The following STAB2 variants were observed in gnomAD, a reference collection of about 807,000 sequenced individuals.
STAB2 encodes the protein stabilin 2, also known as stabilin-2.
In STAB2, 288 loss-of-function variants were observed where a neutral mutation model predicts 338.1. The observed-to-expected ratio is 0.85, with a 90% CI of 0.77 to 0.94. STAB2 has a LOEUF of 0.94. Among genes scored for constraint, STAB2 ranks in the 40% least tolerant of loss-of-function variants. The probability of loss-of-function intolerance (pLI) is 0.00; values close to 1 mark genes in which losing one functional copy is unlikely to be tolerated. For missense variants in STAB2, 3,141 were observed against 3,210.1 expected, an observed-to-expected ratio of 0.98 and a Z score of 0.52; for synonymous variants, 1,202 against 1,193.3, an observed-to-expected ratio of 1.01 and a Z score of -0.15.
intron 8 of STAB2, 36 bp downstream of exon 8, chr12:103,638,248 A>C (rs1205588595): frequency 1.3e-6 from 2 of 1,552,954 alleles, no homozygotes; most frequent in Non-Finnish European, 1.7e-6. Flanking sequence ...TGTATCTAGA[A>C]GTTTGACAAG....
In STAB2 at chr12:103,655,536, G is replaced by T. The variant is rs1157193235; in HGVS notation, c.1689G>T (p.Leu563Phe). The change falls in exon 15 of 69, where the codon TTG (leucine) becomes TTT (phenylalanine). Residue 563 changes from leucine (L) to phenylalanine (F), a missense_variant. Physicochemically the swap from Leu to Phe is conservative, Grantham distance 22. Transcript: ENST00000388887. ...YTIFVPNNEA[L>F]NNMKDGTLDY... ...TTTTTGTTCCAAATAATGAAGCATT[G>T]AATAACATGAAGGACGGCACTCTCG... 6.2e-7 allele frequency: 1 copy of T among 1,613,912 alleles called. No homozygotes were observed.
intron 9 of STAB2, 22 bp from the exon 10 acceptor site, chr12:103,648,668 T>C: frequency 1.9e-6 from 3 of 1,610,878 alleles, no homozygotes; most frequent in African/African-American, 1.3e-5. Context: ...ACCCTGAGGA[T>C]GTCTTTTCCC....
chr12:103,599,961 C>T (rs937800869), intron 3 of STAB2, among the ~76,000 whole-genome samples: 2 of 152,220 alleles, frequency 1.3e-5, no homozygotes, highest in African/African-American at 4.8e-5. Flanking sequence ...GACTCAAATT[C>T]TTAAGTTAGG....
At position 103,739,606 on chromosome 12, in the gene STAB2, T is replaced by C. The variant is rs1882426608; in HGVS notation, c.5754+138T>C. The stretch of plus-strand genomic sequence containing the variant: ...ACGTATGTTGCATAAATGTAATTTA[T>C]GTCATTCTTTCAACAACAAAGCCAA... On this transcript the variant is annotated intron_variant, in intron 54 of 68. Coordinates refer to ENST00000388887, the MANE Select transcript of STAB2 (RefSeq NM_017564.10). 4.2e-6 allele frequency: 3 copies of C among 711,140 alleles called. No individual in the cohort carries two copies. In the East Asian group the frequency reaches 9.9e-5, roughly 24 times the overall value. 44.1% of individuals were successfully genotyped at this position (711,140 alleles called of 1,614,324 possible). A position where few individuals can be genotyped will look rare whatever the true frequency, so the allele number is the denominator to read the frequency against.
intron 3 of STAB2, among the ~76,000 whole-genome samples, chr12:103,606,473 A>G (rs1368588311): frequency 4.6e-5 from 7 of 152,162 alleles, no homozygotes; most frequent in Admixed American, 6.5e-5. Flanking sequence ...ACAGATTTGT[A>G]TCTGGTATTT....
At chr12:103,741,856 G>T (rs893017025) in intron 55 of STAB2, among the ~76,000 whole-genome samples, 6 of 152,188 alleles carry the variant, frequency 3.9e-5, no homozygotes, top group Non-Finnish European at 4.4e-5. Context: ...ATTTTTACTA[G>T]CATGCATACT....
intron 25 of STAB2, among the ~76,000 whole-genome samples, chr12:103,678,711 T>C (rs1876615910): frequency 6.6e-6 from 1 of 152,086 alleles, no homozygotes. Context: ...TTTGTATTTT[T>C]AGTAGAGACA....
At chr12:103,737,845 G>C (rs1882282406) in intron 53 of STAB2, 65 bp downstream of exon 53, 14 of 1,592,778 alleles carry the variant, frequency 8.8e-6, no homozygotes, top group African/African-American at 1.3e-5. Flanking sequence ...TCATGATCCA[G>C]TGTGGACCCT....
chr12:103,641,459 G>C (rs1872918851), intron 9 of STAB2, among the ~76,000 whole-genome samples: 1 of 152,196 alleles, frequency 6.6e-6, no homozygotes, highest in South Asian at 2.1e-4. Context: ...TCTCTGAGAA[G>C]AAGATGGCAC....
rs371825004 is a variant in STAB2 at position 103,673,881 on chromosome 12, G to T, written c.2372-26G>T. On this transcript the variant is annotated intron_variant, in intron 22 of 68. Coordinates refer to ENST00000388887, the MANE Select transcript of STAB2 (RefSeq NM_017564.10). Reference sequence around the variant, plus strand: ...CTTGGCTTGTCCCCAAGGCCTGGACGGATGTCCCTCCTCCTCCTCTTTCAG... The same window carrying T: ...CTTGGCTTGTCCCCAAGGCCTGGACTGATGTCCCTCCTCCTCCTCTTTCAG... The T allele has an allele frequency of 5.0e-6, 8 of 1,600,114 alleles. No homozygotes were observed. In the East Asian group the frequency reaches 1.8e-4, roughly 36 times the overall value.
At chr12:103,717,973 T>C in intron 44 of STAB2, 132 bp downstream of exon 44, 1 of 853,770 alleles carries the variant, frequency 1.2e-6, no homozygotes, top group Non-Finnish European at 1.9e-6. Context: ...ACCATGAGGC[T>C]TGTTTCTCTG....
intron 11 of STAB2, 21 bp downstream of exon 11, chr12:103,650,599 T>C (rs760431129): frequency 5.0e-6 from 8 of 1,600,432 alleles, no homozygotes; most frequent in Non-Finnish European, 6.8e-6. Context: ...AAAATGACCC[T>C]ACACCAAGGG....
chr12:103,633,341 A>G (rs1174287988), intron 6 of STAB2, among the ~76,000 whole-genome samples: 1 of 152,270 alleles, frequency 6.6e-6, no homozygotes, highest in African/African-American at 2.4e-5. Flanking sequence ...CATTTTTATA[A>G]CAAAAAATTG....
At chr12:103,752,667 G>T (rs533532591) in intron 60 of STAB2, among the ~76,000 whole-genome samples, 1 of 152,148 alleles carries the variant, frequency 6.6e-6, no homozygotes, top group African/African-American at 2.4e-5. Flanking sequence ...TAGCTGTAAA[G>T]GTCACAACAA....
rs541982466 is a variant in STAB2, at chr12:103,620,194, A to C, written c.332-274A>C. Among the ~76,000 whole-genome samples, 3 of 152,332 alleles carry C rather than the reference A, an allele frequency of 2.0e-5. No individual in the cohort carries two copies. The South Asian group carries it at 6.2e-4, about 32-fold the overall frequency. On this transcript the variant is annotated intron_variant, in intron 3 of 68. Transcript: ENST00000388887. ...AATAGCAACCACCCCTGAAGGTTGC[A>C]ATAGGAGTGATCTAATTTGATCATT...
intron 3 of STAB2, among the ~76,000 whole-genome samples, chr12:103,609,089 G>T (rs939648848): frequency 6.6e-6 from 1 of 152,162 alleles, no homozygotes; most frequent in Admixed American, 6.5e-5. Flanking sequence ...GGTTACTGTA[G>T]CCTTGTAGTA....
At chr12:103,723,148 A>AC (rs911632847) in intron 44 of STAB2, among the ~76,000 whole-genome samples, 10 of 152,150 alleles carry the variant, frequency 6.6e-5, no homozygotes, top group Admixed American at 2.0e-4. Flanking sequence ...AGAGGACAGT[A>AC]ATTGAGAGTT....
chr12:103,742,421 A>G lies in STAB2; in HGVS notation c.5898A>G (p.Pro1966=), dbSNP rs773050106. ...CTCTTCCAGCCTGCCCTGGAGGACCAGATGCCCCGTGTAATAACCGGGGTG... is the reference window on the plus strand; with the variant it reads ...CTCTTCCAGCCTGCCCTGGAGGACCGGATGCCCCGTGTAATAACCGGGGTG... ...GRDCQACPGG[P]DAPCNNRGVC... is the part of the protein sequence containing the mutation. Residue 1966 remains proline, a synonymous_variant, in exon 56 of 69, where the codon CCA becomes CCG. Transcript: ENST00000388887. 2 of 1,614,130 alleles carry G rather than the reference A, an allele frequency of 1.2e-6. No individual in the cohort carries two copies. Among genetic ancestry groups the G allele is most frequent in the Non-Finnish European group, 1.7e-6 (2 of 1,180,000 alleles).
At chr12:103,588,826 G>A (rs180807585) in intron 1 of STAB2, among the ~76,000 whole-genome samples, 221 of 152,256 alleles carry the variant, frequency 1.5e-3, no homozygotes, top group African/African-American at 5.1e-3. Context: ...AATTAAAGGA[G>A]GTTAATTCAA....
Sources: gnomAD v4.1 joint callset for allele counts (sites outside exome capture counted in the v4.1 genomes callset) on GRCh38, gnomAD v4.1.1 for gene constraint, MANE v1.5 for transcripts, NCBI Gene and HGNC (gene_info 2026-07-23, HGNC 2026-07-21) for gene names.